NDC1: variants seen among roughly 807,000 people sequenced by gnomAD.
NDC1 encodes the protein nucleoporin NDC1.
A neutral mutation model predicts 89.8 loss-of-function variants in NDC1; 24 were observed. The observed-to-expected ratio is 0.27, with a 90% CI of 0.19 to 0.38. NDC1 has a LOEUF of 0.38. Among genes scored for constraint, NDC1 ranks in the 10% least tolerant of loss-of-function variants. The probability of loss-of-function intolerance (pLI) is 1.00; values close to 1 mark genes in which losing one functional copy is unlikely to be tolerated. For missense variants in NDC1, 728 were observed against 797.6 expected, an observed-to-expected ratio of 0.91 and a Z score of 1.05; for synonymous variants, 296 against 284.8, an observed-to-expected ratio of 1.04 and a Z score of -0.39.
chr1:53,798,168 ATTATTATTATT>A (rs1267564322), intron 11 of NDC1, among the ~76,000 whole-genome samples: 1 of 146,010 alleles, frequency 6.8e-6, no homozygotes, highest in African/African-American at 2.5e-5. Context: ...TATTATTATT[ATTATTATTATT>A]ATTATTTTGA....
intron 3 of NDC1, among the ~76,000 whole-genome samples, chr1:53,831,734 GT>G (rs1649075621): frequency 6.6e-6 from 1 of 151,704 alleles, no homozygotes; most frequent in Non-Finnish European, 1.5e-5. Context: ...GCTTCTTATT[GT>G]ATCTTTTTTT....
At chr1:53,772,658 C>CA (rs1049698028) in intron 16 of NDC1, among the ~76,000 whole-genome samples, 169 bp from the exon 17 acceptor site, 2 of 122,432 alleles carry the variant, frequency 1.6e-5, no homozygotes, top group Non-Finnish European at 3.5e-5. Context: ...GATCCTGTCT[C>CA]AAAATAACAT....
chr1:53,794,095 C>G (rs1647615267), intron 13 of NDC1, among the ~76,000 whole-genome samples: 1 of 152,048 alleles, frequency 6.6e-6, no homozygotes, highest in Non-Finnish European at 1.5e-5. Flanking sequence ...CCTACCTCAG[C>G]CTCCCAAGTA....
chr1:53,811,947 C>A (rs1648321546), intron 6 of NDC1, among the ~76,000 whole-genome samples: 1 of 152,138 alleles, frequency 6.6e-6, no homozygotes, highest in African/African-American at 2.4e-5. Flanking sequence ...GTGCAGACAA[C>A]CCCCAGTATC....
In NDC1 at chr1:53,796,955, G is replaced by A. The variant is rs180774404; in HGVS notation, c.1412C>T (p.Ser471Leu). ...GIFDVNTCYG[S>L]PQSPQLIRRG... ...TCTTATTAGCTGAGGACTTTGCGGTGACCCATAGCAGGTGTTTACATCAAA... is the reference window on the plus strand; with the variant it reads ...TCTTATTAGCTGAGGACTTTGCGGTAACCCATAGCAGGTGTTTACATCAAA... The change falls in exon 12 of 18, where the codon TCA (serine) becomes TTA (leucine). Residue 471 changes from serine to leucine, a missense_variant. Physicochemically the swap from Ser to Leu is moderately radical, Grantham distance 145. Transcript: ENST00000371429. The A allele has an allele frequency of 1.4e-5, 22 of 1,614,144 alleles. No individual in the cohort carries two copies. The East Asian group carries it at 4.5e-4, about 33-fold the overall frequency.
chr1:53,817,106 A>T (rs1328560624), intron 6 of NDC1, among the ~76,000 whole-genome samples: 1 of 152,228 alleles, frequency 6.6e-6, no homozygotes, highest in East Asian at 1.9e-4. Flanking sequence ...CTAAAAGTAG[A>T]ACTACCATTT....
At chr1:53,824,830 G>A (rs985910279) in intron 5 of NDC1, among the ~76,000 whole-genome samples, 1 of 152,198 alleles carries the variant, frequency 6.6e-6, no homozygotes, top group Admixed American at 6.5e-5. Flanking sequence ...TAAGTGATAT[G>A]TTCTAAAATT....
Position 53,797,114 on chromosome 1 carries a change from C to A in NDC1, c.1253G>T (p.Ser418Ile), listed in dbSNP as rs1557575126. The change falls in exon 12 of 18, where the codon AGC becomes ATC. Residue 418 changes from serine to isoleucine, a missense_variant. Physicochemically the swap from Ser to Ile is moderately radical, Grantham distance 142. Coordinates refer to ENST00000371429, the MANE Select transcript of NDC1 (RefSeq NM_018087.5). ...TGGCACTGAAGGCCGAGGCATCTGGCTAGATTTTGGTGTCTGAAAAGCAGT... is the reference window on the plus strand; with the variant it reads ...TGGCACTGAAGGCCGAGGCATCTGGATAGATTTTGGTGTCTGAAAAGCAGT... Reference protein sequence around the residue: ...EETAFQTPKSSQMPRPSVPPL... With the variant: ...EETAFQTPKSIQMPRPSVPPL... 6.2e-7 allele frequency: 1 copy of A among 1,614,122 alleles called. No individual in the cohort carries two copies. Among genetic ancestry groups the A allele is most frequent in the Non-Finnish European group, 8.5e-7 (1 of 1,179,982 alleles).
intron 7 of NDC1, among the ~76,000 whole-genome samples, chr1:53,808,446 A>G (rs1439743230): frequency 6.6e-6 from 1 of 152,214 alleles, no homozygotes; most frequent in African/African-American, 2.4e-5. Flanking sequence ...TTCCTCATCC[A>G]TATAAGAGTG....
rs1177983836 is a variant in NDC1, at chr1:53,800,782, T to C, written c.1133A>G (p.Gln378Arg). 1.9e-6 allele frequency: 3 copies of C among 1,613,724 alleles called. No individual in the cohort carries two copies. Among genetic ancestry groups the C allele is most frequent in the East Asian group, 2.2e-5 (1 of 44,872 alleles). Reference protein sequence around the residue: ...ECLNLLNGMTQKLILYQEAAA... With the variant: ...ECLNLLNGMTRKLILYQEAAA... Reference sequence around the variant, plus strand: ...AGCTTCTTGATAGAGAATCAGTTTCTGAGTCATACCATTTAAAAGATTCAA... The same window carrying C: ...AGCTTCTTGATAGAGAATCAGTTTCCGAGTCATACCATTTAAAAGATTCAA... The change falls in exon 11 of 18, where the codon CAG becomes CGG. Residue 378 changes from glutamine (Q) to arginine (R), a missense_variant. Transcript: ENST00000371429.
intron 14 of NDC1, 112 bp from the exon 15 acceptor site, chr1:53,789,308 G>T: frequency 1.6e-6 from 1 of 611,872 alleles, no homozygotes; most frequent in Non-Finnish European, 2.9e-6. Flanking sequence ...TGCCTCTCAA[G>T]AATTAAAATT....
intron 16 of NDC1, among the ~76,000 whole-genome samples, chr1:53,778,436 G>C (rs985490944): frequency 6.6e-6 from 1 of 152,042 alleles, no homozygotes; most frequent in African/African-American, 2.4e-5. Context: ...TTCCTTTACA[G>C]TAGTCATAAA....
At chr1:53,788,814 T>G (rs867842251) in intron 15 of NDC1, among the ~76,000 whole-genome samples, 3 of 152,030 alleles carry the variant, frequency 2.0e-5, no homozygotes, top group Non-Finnish European at 2.9e-5. Context: ...GGTGGATTGT[T>G]TGAGCCCAGA....
chr1:53,800,785 G>A lies in NDC1; in HGVS notation c.1130C>T (p.Thr377Ile), dbSNP rs1014146065. The change falls in exon 11 of 18, where the codon ACT becomes ATT. Residue 377 changes from threonine (T) to isoleucine (I), a missense_variant. Coordinates refer to ENST00000371429, the MANE Select transcript of NDC1 (RefSeq NM_018087.5). Reference protein sequence around the residue: ...RECLNLLNGMTQKLILYQEAA... With the variant: ...RECLNLLNGMIQKLILYQEAA... ...TTCTTGATAGAGAATCAGTTTCTGA[G>A]TCATACCATTTAAAAGATTCAAACA... 5.0e-6 allele frequency: 8 copies of A among 1,613,422 alleles called. No individual in the cohort carries two copies. In the South Asian group the frequency reaches 6.6e-5, roughly 13 times the overall value.
At chr1:53,804,475 A>AC (rs1029143403) in intron 9 of NDC1, among the ~76,000 whole-genome samples, 5 of 150,224 alleles carry the variant, frequency 3.3e-5, no homozygotes, top group African/African-American at 1.2e-4. Context: ...GTGATACCTA[A>AC]TTTTTTTTTT....
intron 16 of NDC1, among the ~76,000 whole-genome samples, chr1:53,785,904 TATTC>T (rs1204887270): frequency 2.6e-5 from 4 of 151,304 alleles, no homozygotes; most frequent in African/African-American, 9.8e-5. Context: ...ATGCTATTTT[TATTC>T]ATTTATTTAT....
chr1:53,831,544 G>A lies in NDC1; in HGVS notation c.280+946C>T, dbSNP rs186976799. On this transcript the variant is annotated intron_variant, in intron 3 of 17. Transcript: ENST00000371429. ...AAAAATTAGCCGGGCGTGGTGGCGCGTGCCTGTAATCCCAGCTACTCCGGA... is the reference window on the plus strand; with the variant it reads ...AAAAATTAGCCGGGCGTGGTGGCGCATGCCTGTAATCCCAGCTACTCCGGA... 2.9e-3 allele frequency among the ~76,000 whole-genome samples: 441 copies of A among 151,742 alleles called. 2 individuals are homozygous for A. The highest frequency in any genetic ancestry group is 9.6e-3 in the African/African-American group (399 of 41,358).
chr1:53,812,332 G>T (rs1252145035), intron 6 of NDC1, among the ~76,000 whole-genome samples: 2 of 152,192 alleles, frequency 1.3e-5, no homozygotes, highest in Non-Finnish European at 2.9e-5. Flanking sequence ...CCAGAGAAAG[G>T]CGAAGCCCAA....
intron 13 of NDC1, among the ~76,000 whole-genome samples, chr1:53,793,969 G>A (rs1037821153): frequency 6.6e-6 from 1 of 151,274 alleles, no homozygotes; most frequent in Non-Finnish European, 1.5e-5. Context: ...TTCTCTCACA[G>A]GGAAAAAAAA....
Sources: gnomAD v4.1 joint callset for allele counts (sites outside exome capture counted in the v4.1 genomes callset) on GRCh38, gnomAD v4.1.1 for gene constraint, MANE v1.5 for transcripts, NCBI Gene and HGNC (gene_info 2026-07-23, HGNC 2026-07-21) for gene names.